The following DUS2 variants were observed in gnomAD, a reference collection of about 807,000 sequenced individuals.
DUS2 encodes the protein dihydrouridine synthase 2.
Under a neutral mutation model 71.3 loss-of-function variants are expected in DUS2, and 52 were observed. The observed-to-expected ratio is 0.73, with a 90% confidence interval of 0.58 to 0.92. DUS2 has a LOEUF of 0.92. Ranked by LOEUF, DUS2 falls within the 40% of genes least tolerant of loss-of-function variation. DUS2 has a pLI of 0.00. For synonymous variants in DUS2, 204 were observed against 227.8 expected, an observed-to-expected ratio of 0.90 and a Z score of 0.94; for missense variants, 558 against 622.6, an observed-to-expected ratio of 0.90 and a Z score of 1.10.
intron 3 of DUS2, among the ~76,000 whole-genome samples, chr16:68,043,703 T>G (rs1261998759): frequency 6.6e-6 from 1 of 152,220 alleles, no homozygotes; most frequent in South Asian, 2.1e-4. Flanking sequence ...CTTGCTCTGT[T>G]GCCCACGCAG....
In DUS2 at chr16:68,074,028, T is replaced by C. The variant is rs200971888; in HGVS notation, c.811-6T>C. ...TGGGCATCAGGCAAGTCATTTCTTT[T>C]CTCAGGCGGTGCAGTATGACAACCA... On this transcript the variant is annotated splice_region_variant and splice_polypyrimidine_tract_variant and intron_variant, in intron 12 of 16. Coordinates refer to ENST00000565263, the MANE Select transcript of DUS2 (RefSeq NM_017803.5). The C allele has an allele frequency of 8.1e-6, 13 of 1,614,052 alleles. No individual in the cohort carries two copies. The highest frequency in any genetic ancestry group is 2.2e-5 in the East Asian group (1 of 44,874).
chr16:68,070,258 C>T (rs1210502463), intron 11 of DUS2, 38 bp downstream of exon 11: 1 of 1,596,020 alleles, frequency 6.3e-7, no homozygotes, highest in East Asian at 2.2e-5. Flanking sequence ...CTGTGTCCCA[C>T]AGAGCTAAGG....
At chr16:68,044,154 T>C (rs1296289694) in intron 3 of DUS2, among the ~76,000 whole-genome samples, 5 of 152,134 alleles carry the variant, frequency 3.3e-5, no homozygotes, top group Non-Finnish European at 1.5e-5. Flanking sequence ...GGTTTTAAGA[T>C]TGGGAAGTAT....
At chr16:68,029,205 T>TA (rs898713701) in intron 2 of DUS2, among the ~76,000 whole-genome samples, 53 of 143,970 alleles carry the variant, frequency 3.7e-4, no homozygotes, top group South Asian at 1.5e-3. Context: ...GTCCCATCTC[T>TA]AAAAAAAAAA....
chr16:68,038,191 C>T, intron 3 of DUS2, 42 bp downstream of exon 3: 1 of 1,608,744 alleles, frequency 6.2e-7, no homozygotes, highest in Non-Finnish European at 8.5e-7. Context: ...TCCACAAGTA[C>T]AGACTCCTCT....
chr16:68,029,360 C>CT (rs1485004663), intron 2 of DUS2, among the ~76,000 whole-genome samples: 1 of 152,110 alleles, frequency 6.6e-6, no homozygotes, highest in Non-Finnish European at 1.5e-5. Flanking sequence ...CCTGACTGGT[C>CT]TTGAACTCTT....
At chr16:68,027,632 A>G (rs1452234523) in intron 2 of DUS2, among the ~76,000 whole-genome samples, 3 of 152,272 alleles carry the variant, frequency 2.0e-5, no homozygotes, top group East Asian at 3.8e-4. Context: ...TGAACAAGCC[A>G]CAGTGCCTAT....
intron 1 of DUS2, among the ~76,000 whole-genome samples, chr16:68,025,147 T>C (rs1033558276): frequency 6.6e-6 from 1 of 152,110 alleles, no homozygotes; most frequent in Admixed American, 6.6e-5. Flanking sequence ...ATGCTACTTT[T>C]ATGATTCTTT....
intron 2 of DUS2, among the ~76,000 whole-genome samples, chr16:68,030,823 T>C (rs1479761970): frequency 6.6e-6 from 1 of 152,006 alleles, no homozygotes; most frequent in African/African-American, 2.4e-5. Flanking sequence ...CATCGAACTC[T>C]TGGACTCCCA....
In DUS2 at chr16:68,029,607, C is replaced by T. The variant is rs141477405; in HGVS notation, c.-19+4113C>T. Among the ~76,000 whole-genome samples the T allele has an allele frequency of 5.1e-3, 774 of 151,858 alleles. 8 individuals carry two copies. The highest frequency in any genetic ancestry group is 0.017 in the African/African-American group (704 of 41,422). ...GATAACAGGCCTGCACCACCATACC[C>T]GGCTAATTTTTGTATTTTTTGGTAT... On this transcript the variant is annotated intron_variant, in intron 2 of 16. Transcript: ENST00000565263.
chr16:68,036,431 G>T (rs531716095), intron 2 of DUS2, among the ~76,000 whole-genome samples: 13 of 152,068 alleles, frequency 8.5e-5, no homozygotes, highest in Admixed American at 8.5e-4. Flanking sequence ...AAAGTGCTGG[G>T]ATTACAGGCG....
At chr16:68,039,254 C>T (rs1040502935) in intron 3 of DUS2, among the ~76,000 whole-genome samples, 1 of 151,812 alleles carries the variant, frequency 6.6e-6, no homozygotes, top group African/African-American at 2.4e-5. Flanking sequence ...GTTTGTTAAC[C>T]ATGTCAGGTA....
chr16:68,075,821 G>T (rs73604384), intron 14 of DUS2, among the ~76,000 whole-genome samples: 2,002 of 152,282 alleles, frequency 0.013, 43 homozygotes, highest in African/African-American at 0.045. Context: ...ACTGGCTCCT[G>T]GCATGAAGCT....
At chr16:68,061,038 A>G in intron 7 of DUS2, 28 bp from the exon 8 acceptor site, 1 of 1,612,716 alleles carries the variant, frequency 6.2e-7, no homozygotes, top group Non-Finnish European at 8.5e-7. Context: ...CCCAGATGTA[A>G]GAAGACCTTT....
chr16:68,024,861 T>A (rs1482419734), intron 1 of DUS2, among the ~76,000 whole-genome samples: 1 of 148,650 alleles, frequency 6.7e-6, no homozygotes, highest in East Asian at 2.0e-4. Flanking sequence ...ATAGACAGTC[T>A]CACTGTGTTG....
chr16:68,065,497 T>G (rs1393087546), intron 8 of DUS2, among the ~76,000 whole-genome samples: 2 of 151,674 alleles, frequency 1.3e-5, no homozygotes, highest in Admixed American at 6.6e-5. Flanking sequence ...GAGACCAGCC[T>G]GGCCAACATG....
At chr16:68,044,076 CT>C (rs1490904291) in intron 3 of DUS2, among the ~76,000 whole-genome samples, 2 of 151,512 alleles carry the variant, frequency 1.3e-5, no homozygotes, top group Admixed American at 6.6e-5. Flanking sequence ...GTACCACAGC[CT>C]TTTTTTTTCT....
At chr16:68,040,961 T>A (rs1295738723) in intron 3 of DUS2, among the ~76,000 whole-genome samples, 4 of 152,182 alleles carry the variant, frequency 2.6e-5, no homozygotes, top group African/African-American at 9.7e-5. Context: ...CCGAGCGTGG[T>A]GGCTCACGCC....
intron 7 of DUS2, among the ~76,000 whole-genome samples, chr16:68,056,842 T>C (rs1366587896): frequency 1.4e-5 from 2 of 144,980 alleles, no homozygotes; most frequent in African/African-American, 5.1e-5. Flanking sequence ...TGTTATATAT[T>C]ATATAATGTT....
Sources: gnomAD v4.1 joint callset for allele counts (sites outside exome capture counted in the v4.1 genomes callset) on GRCh38, gnomAD v4.1.1 for gene constraint, MANE v1.5 for transcripts, NCBI Gene and HGNC (gene_info 2026-07-23, HGNC 2026-07-21) for gene names.